Variants in TLE7 observed in about 807,000 individuals in gnomAD.
The protein encoded by TLE7 is transducin-like enhancer protein 7.
At chr16:71,432,559 G>A in intron 4 of TLE7, 106 bp downstream of exon 4, 2 of 398,306 alleles carry the variant, frequency 5.0e-6, no homozygotes, top group Non-Finnish European at 8.8e-6. Context: ...AGGAGCCCAG[G>A]ACACCCCCCT....
chr16:71,432,232 C>T lies in TLE7; in HGVS notation c.487G>A (p.Ala163Thr), dbSNP rs941118266. ...GTLFHGKRVY[A>T]VAISGSTHHV... is the part of the protein sequence containing the mutation. Reference sequence around the variant, plus strand: ...TGGGTTGAGCCGCTGATGGCCACAGCGTAGACTCTCTTTCCATGGAAGAGT... The same window carrying T: ...TGGGTTGAGCCGCTGATGGCCACAGTGTAGACTCTCTTTCCATGGAAGAGT... The change falls in exon 5 of 10, where the codon GCT becomes ACT. Residue 163 changes from alanine (A) to threonine (T), a missense_variant. Coordinates refer to ENST00000561754, the MANE Select transcript of TLE7 (RefSeq NM_001367365.2). The T allele has an allele frequency of 7.5e-6, 3 of 400,744 alleles. No individual in the cohort carries two copies. Among genetic ancestry groups the T allele is most frequent in the African/African-American group, 2.1e-5 (1 of 48,712 alleles). The allele number at this position is 400,744 out of a possible 1,614,324, so 24.8% of individuals were successfully genotyped here.
Position 71,430,179 on chromosome 16 carries a change from G to C in TLE7, c.*83C>G. The C allele has an allele frequency of 2.5e-6, 1 of 398,032 alleles. No homozygotes were observed. Among genetic ancestry groups the C allele is most frequent in the Non-Finnish European group, 4.4e-6 (1 of 225,886 alleles). 24.7% of individuals were successfully genotyped at this position (398,032 alleles called of 1,614,324 possible). Reference sequence around the variant, plus strand: ...GCAGAGGAGATGGCAGGTGTTAGAGGTGTCCAGCACTCTGAAGCCATCCTC... The same window carrying C: ...GCAGAGGAGATGGCAGGTGTTAGAGCTGTCCAGCACTCTGAAGCCATCCTC... On this transcript the variant is annotated 3_prime_UTR_variant, in exon 10 of 10. Transcript: ENST00000561754.
intron 1 of TLE7, among the ~76,000 whole-genome samples, chr16:71,441,392 C>T (rs1463462775): frequency 1.3e-5 from 2 of 151,560 alleles, no homozygotes; most frequent in Non-Finnish European, 3.0e-5. Context: ...AATGGCTGCA[C>T]TAACCACTCA....
rs1371463292 is a variant in TLE7 at position 71,442,036 on chromosome 16, G to C, written c.-164C>G. ...GAGGCTTGGTGCCGCAGGGCAGTCG[G>C]GAAGGCTTCCTGGAGGCTGGGCTTG... is the stretch of plus-strand genomic sequence containing the variant. On this transcript the variant is annotated 5_prime_UTR_variant, in exon 1 of 10. Coordinates refer to ENST00000561754, the MANE Select transcript of TLE7 (RefSeq NM_001367365.2). 2 of 152,514 alleles carry C rather than the reference G, an allele frequency of 1.3e-5. No individual in the cohort carries two copies. The highest frequency in any genetic ancestry group is 2.9e-5 in the Non-Finnish European group (2 of 68,282). The allele number at this position is 152,514 out of a possible 1,614,324, so 9.4% of individuals were successfully genotyped here.
intron 1 of TLE7, among the ~76,000 whole-genome samples, chr16:71,437,619 C>T (rs982847111): frequency 6.6e-6 from 1 of 151,696 alleles, no homozygotes; most frequent in Non-Finnish European, 1.5e-5. Flanking sequence ...GGGAACCCTT[C>T]GGTCTGAGGA....
intron 2 of TLE7, 24 bp from the exon 3 acceptor site, chr16:71,432,916 G>C (rs1838198944): frequency 2.5e-6 from 1 of 399,004 alleles, no homozygotes; most frequent in Non-Finnish European, 4.4e-6. Flanking sequence ...AGAGAGGGAG[G>C]GAGGAGACAG....
intron 1 of TLE7, among the ~76,000 whole-genome samples, chr16:71,440,427 G>A (rs565318604): frequency 6.6e-6 from 1 of 152,136 alleles, no homozygotes; most frequent in African/African-American, 2.4e-5. Flanking sequence ...GCAGTGAACC[G>A]AAATCGGGCG....
rs918166255 is a variant in TLE7, at chr16:71,430,380, A to C, written c.1222-14T>G. 2.5e-5 allele frequency: 10 copies of C among 398,794 alleles called. No homozygotes were observed. The highest frequency in any genetic ancestry group is 8.8e-6 in the Non-Finnish European group (2 of 226,206). 24.7% of individuals were successfully genotyped at this position (398,794 alleles called of 1,614,324 possible). On this transcript the variant is annotated splice_polypyrimidine_tract_variant and intron_variant, in intron 9 of 9. Coordinates refer to ENST00000561754, the MANE Select transcript of TLE7 (RefSeq NM_001367365.2). The stretch of plus-strand genomic sequence containing the variant: ...AGACTCCTCTATCTAGATGGATGGA[A>C]GGGCCAAAACAGGGATCACATTTGG...
intron 1 of TLE7, among the ~76,000 whole-genome samples, chr16:71,439,264 T>G (rs1002843720): frequency 6.6e-6 from 1 of 151,978 alleles, no homozygotes; most frequent in African/African-American, 2.4e-5. Flanking sequence ...TGAAAGGTGA[T>G]AGGGAGTACG....
chr16:71,435,411 AAAAT>A (rs1440894359), intron 1 of TLE7, among the ~76,000 whole-genome samples: 1 of 151,822 alleles, frequency 6.6e-6, no homozygotes, highest in Non-Finnish European at 1.5e-5. Flanking sequence ...ACTCTGTCTC[AAAAT>A]AAATAAATAA....
chr16:71,438,424 CAA>C (rs11383356), intron 1 of TLE7, among the ~76,000 whole-genome samples: 6 of 83,034 alleles, frequency 7.2e-5, no homozygotes, highest in African/African-American at 9.2e-5. Flanking sequence ...GACTCCATCT[CAA>C]AAAAAAAAAA....
rs1184133770 is a variant in TLE7 at position 71,430,350 on chromosome 16, C to T, written c.1238G>A (p.Gly413Asp). The T allele has an allele frequency of 2.5e-6, 1 of 398,520 alleles. No homozygotes were observed. Among genetic ancestry groups the T allele is most frequent in the Non-Finnish European group, 4.4e-6 (1 of 226,114 alleles). 24.7% of individuals were successfully genotyped at this position (398,520 alleles called of 1,614,324 possible). A position where few individuals can be genotyped will look rare whatever the true frequency, so the allele number is the denominator to read the frequency against. ...AGAGGACACGTCACAGCACAGGATA[C>T]CTGAAGACTCCTCTATCTAGATGGA... is the stretch of plus-strand genomic sequence containing the variant. ...QKLFQIEESSGILCCDVSSDN... is the reference protein window; with the variant it reads ...QKLFQIEESSDILCCDVSSDN... Residue 413 changes from glycine (G) to aspartate (D), a missense_variant, in exon 10 of 10, where the codon GGT becomes GAT. Gly to Asp is a moderately conservative substitution (Grantham distance 94). Coordinates refer to ENST00000561754, the MANE Select transcript of TLE7 (RefSeq NM_001367365.2).
intron 1 of TLE7, among the ~76,000 whole-genome samples, chr16:71,440,047 C>T (rs771782718): frequency 6.6e-6 from 1 of 152,230 alleles, no homozygotes; most frequent in African/African-American, 2.4e-5. Flanking sequence ...GTGATACACA[C>T]TACCACATGG....
chr16:71,432,645 G>A lies in TLE7; in HGVS notation c.393+20C>T. ...GTAGGTGGGAAAGGAAGGATCCTGAGTATGAAGTTGGACACTTACAATTGC... is the reference window on the plus strand; with the variant it reads ...GTAGGTGGGAAAGGAAGGATCCTGAATATGAAGTTGGACACTTACAATTGC... On this transcript the variant is annotated intron_variant, in intron 4 of 9. Transcript: ENST00000561754. 2 of 398,758 alleles carry A rather than the reference G, an allele frequency of 5.0e-6. No homozygotes were observed. The highest frequency in any genetic ancestry group is 7.1e-5 in the East Asian group (2 of 28,078). 24.7% of individuals were successfully genotyped at this position (398,758 alleles called of 1,614,324 possible). A position where few individuals can be genotyped will look rare whatever the true frequency, so the allele number is the denominator to read the frequency against.
At chr16:71,437,461 G>GGAGAAGAGAAGAGAAGAGAA (rs141786069) in intron 1 of TLE7, among the ~76,000 whole-genome samples, 2 of 150,618 alleles carry the variant, frequency 1.3e-5, no homozygotes, top group African/African-American at 2.4e-5. Flanking sequence ...GAAAGAGAAG[G>GGAGAAGAGAAGAGAAGAGAA]GAGAAGAGAA....
chr16:71,433,890 G>A (rs879397228), intron 1 of TLE7, among the ~76,000 whole-genome samples: 6 of 152,246 alleles, frequency 3.9e-5, no homozygotes, highest in South Asian at 4.2e-4. Context: ...CAGAGGAGGC[G>A]GAGGTTGCAC....
rs2042802078 is a variant in TLE7 at position 71,431,250 on chromosome 16, C to T, written c.1018G>A (p.Gly340Ser). The T allele has an allele frequency of 1.5e-5, 6 of 400,184 alleles. No individual in the cohort carries two copies. Among genetic ancestry groups the T allele is most frequent in the South Asian group, 1.3e-4 (1 of 7,912 alleles). 24.8% of individuals were successfully genotyped at this position (400,184 alleles called of 1,614,324 possible). A position where few individuals can be genotyped will look rare whatever the true frequency, so the allele number is the denominator to read the frequency against. The change falls in exon 8 of 10, where the codon GGT (glycine) becomes AGT (serine). Residue 340 changes from glycine (G) to serine (S), a missense_variant. Coordinates refer to ENST00000561754, the MANE Select transcript of TLE7 (RefSeq NM_001367365.2). This position sits in a 1 kb window ranked among gnomAD's most constrained non-coding sequence, Gnocchi z 4.5. ...NEILSITHDP[G>S]EEWVLAGLRT... The stretch of plus-strand genomic sequence containing the variant: ...AGGCCCGCCAATACCCATTCTTCAC[C>T]GGGGTCGTGGGTAATGCTGAGGATC...
In TLE7 at chr16:71,441,461, T is replaced by C. The variant is rs547497400; in HGVS notation, c.-97+508A>G. Among the ~76,000 whole-genome samples, 18 of 152,322 alleles carry C rather than the reference T, an allele frequency of 1.2e-4. No homozygotes were observed. In the East Asian group the frequency reaches 3.5e-3, roughly 30 times the overall value. On this transcript the variant is annotated intron_variant, in intron 1 of 9. Transcript: ENST00000561754. ...GCGTGCGCGGCCGGGCTTGCTAGGT[T>C]AGGGACCCGCTGCCCCAGGACTCCG...
chr16:71,436,964 G>C (rs1480076164), intron 1 of TLE7, among the ~76,000 whole-genome samples: 1 of 152,228 alleles, frequency 6.6e-6, no homozygotes, highest in Non-Finnish European at 1.5e-5. Flanking sequence ...GCTCACACCT[G>C]TAATCCCAGC....
Sources: allele counts gnomAD v4.1 joint callset (sites outside exome capture counted in the v4.1 genomes callset), GRCh38; gene constraint gnomAD v4.1.1; non-coding constraint Gnocchi (gnomAD v3.1); transcripts MANE v1.5; gene names NCBI Gene and HGNC (gene_info 2026-07-23, HGNC 2026-07-21).